The following GOLM2 variants were observed in gnomAD, a reference collection of about 807,000 sequenced individuals.
GOLM2 encodes the protein protein GOLM2.
GOLM2 carries 26 observed loss-of-function variants against 55.9 expected under a neutral mutation model. The ratio of observed to expected loss-of-function variants is 0.47; its 90% CI spans 0.34 to 0.65. GOLM2 has a LOEUF of 0.65. Among genes scored for constraint, GOLM2 ranks in the 30% least tolerant of loss-of-function variants. GOLM2 has a pLI of 0.01. For missense variants in GOLM2, 486 were observed against 531.8 expected (o/e 0.91, Z 0.85); for synonymous variants, 165 against 194.6 (o/e 0.85, Z 1.27).
chr15:44,303,409 C>A (rs776077365), intron 1 of GOLM2, among the ~76,000 whole-genome samples: 2 of 151,934 alleles, frequency 1.3e-5, no homozygotes, highest in East Asian at 3.8e-4. Flanking sequence ...TTATTTGAAA[C>A]GTGTTATAGT....
At chr15:44,290,662 G>A (rs1323295390) in intron 1 of GOLM2, among the ~76,000 whole-genome samples, 1 of 152,210 alleles carries the variant, frequency 6.6e-6, no homozygotes, top group Non-Finnish European at 1.5e-5. Flanking sequence ...GAGTATTAAA[G>A]TAAGGTCTTC....
chr15:44,379,618 G>GTGTTT, intron 6 of GOLM2, 72 bp from the exon 7 acceptor site: 12 of 428,368 alleles, frequency 2.8e-5, no homozygotes, highest in Admixed American at 3.6e-5. Context: ...ATTCACGGTG[G>GTGTTT]TTTTTTTTTT....
At chr15:44,313,464 T>C (rs1168377147) in intron 1 of GOLM2, among the ~76,000 whole-genome samples, 1 of 152,204 alleles carries the variant, frequency 6.6e-6, no homozygotes, top group Non-Finnish European at 1.5e-5. Flanking sequence ...CATTATTAAA[T>C]GTTATAGTTC....
intron 6 of GOLM2, among the ~76,000 whole-genome samples, chr15:44,344,801 G>A (rs146794075): frequency 0.031 from 4,328 of 141,900 alleles, 106 homozygotes; most frequent in East Asian, 0.1. Context: ...TTTTTGAGTC[G>A]GAGTCTCGTT....
rs879875241 is a variant in GOLM2, at chr15:44,288,899, C to G, written c.-131C>G. On this transcript the variant is annotated 5_prime_UTR_variant, in exon 1 of 10. Transcript: ENST00000299957. ...CCCGCCCCCTTCTCCGGCTCGCAGC[C>G]GACCGGTAAGCCCGCCTCCTCCCTC... 43 of 795,870 alleles carry G rather than the reference C, an allele frequency of 5.4e-5. No homozygotes were observed. The Admixed American group carries it at 1.2e-3, about 22-fold the overall frequency. The allele number at this position is 795,870 out of a possible 1,614,324, so 49.3% of individuals were successfully genotyped here. A position where few individuals can be genotyped will look rare whatever the true frequency, so the allele number is the denominator to read the frequency against.
chr15:44,388,796 G>T (rs1285224955), intron 8 of GOLM2, among the ~76,000 whole-genome samples: 1 of 152,048 alleles, frequency 6.6e-6, no homozygotes, highest in African/African-American at 2.4e-5. Flanking sequence ...TTATAGGCAT[G>T]CATCACTGAG....
chr15:44,347,323 A>G (rs1048830065), intron 6 of GOLM2, among the ~76,000 whole-genome samples: 6 of 152,202 alleles, frequency 3.9e-5, no homozygotes, highest in African/African-American at 1.4e-4. Flanking sequence ...GCATGGAAGG[A>G]GTAGGAAAGA....
At chr15:44,405,034 C>T (rs1479144274) in intron 9 of GOLM2, among the ~76,000 whole-genome samples, 2 of 152,044 alleles carry the variant, frequency 1.3e-5, no homozygotes, top group Non-Finnish European at 2.9e-5. Flanking sequence ...TGATAATTGT[C>T]AGAAAATTTT....
intron 6 of GOLM2, among the ~76,000 whole-genome samples, chr15:44,351,973 T>G (rs1385345198): frequency 6.6e-6 from 1 of 152,154 alleles, no homozygotes; most frequent in African/African-American, 2.4e-5. Context: ...ATTGGAAGAA[T>G]CAATATTGTT....
chr15:44,367,799 A>C (rs969004778), intron 6 of GOLM2, among the ~76,000 whole-genome samples: 1 of 152,052 alleles, frequency 6.6e-6, no homozygotes, highest in Non-Finnish European at 1.5e-5. Context: ...CAAAAAAAAA[A>C]AAAAAAGATG....
chr15:44,408,322 A>G (rs917125751), intron 9 of GOLM2, among the ~76,000 whole-genome samples: 1 of 152,234 alleles, frequency 6.6e-6, no homozygotes, highest in Non-Finnish European at 1.5e-5. Flanking sequence ...GGTTGTTGGT[A>G]GAAACTTGAA....
intron 8 of GOLM2, 124 bp from the exon 9 acceptor site, chr15:44,402,763 C>T (rs1595668939): frequency 1.3e-6 from 1 of 756,860 alleles, no homozygotes; most frequent in Non-Finnish European, 2.1e-6. Context: ...AAAATGTATC[C>T]TTTTATATCC....
intron 6 of GOLM2, among the ~76,000 whole-genome samples, chr15:44,350,569 T>C (rs1227373822): frequency 2.0e-5 from 3 of 152,094 alleles, no homozygotes; most frequent in African/African-American, 7.2e-5. Context: ...ACCAATCCTA[T>C]TGAGACTATT....
At chr15:44,370,787 G>A (rs1229994648) in intron 6 of GOLM2, among the ~76,000 whole-genome samples, 1 of 152,096 alleles carries the variant, frequency 6.6e-6, no homozygotes, top group African/African-American at 2.4e-5. Flanking sequence ...TTGCCTCTGA[G>A]TATCTGGGAC....
chr15:44,362,718 A>C (rs1483848095), intron 6 of GOLM2, among the ~76,000 whole-genome samples: 2 of 152,216 alleles, frequency 1.3e-5, no homozygotes, highest in African/African-American at 4.8e-5. Context: ...GAACCAAAAA[A>C]GAGCCCGCAT....
chr15:44,319,377 T>C (rs541533139), intron 1 of GOLM2, among the ~76,000 whole-genome samples: 1 of 152,144 alleles, frequency 6.6e-6, no homozygotes, highest in South Asian at 2.1e-4. Flanking sequence ...CATGCTCGAC[T>C]AATCTGTTTA....
At chr15:44,398,657 CTTTTTTTTTTTTT>C (rs994381104) in intron 8 of GOLM2, among the ~76,000 whole-genome samples, 1 of 108,076 alleles carries the variant, frequency 9.3e-6, no homozygotes, top group African/African-American at 3.7e-5. Context: ...ATATAGGAGC[CTTTTTTTTTTTTT>C]TTTTTTTTTT....
At chr15:44,399,104 T>TGTCA (rs2079548216) in intron 8 of GOLM2, among the ~76,000 whole-genome samples, 1 of 152,212 alleles carries the variant, frequency 6.6e-6, no homozygotes, top group East Asian at 1.9e-4. Flanking sequence ...TTTCTTTCCC[T>TGTCA]GTCATAGTCT....
At chr15:44,336,032 T>C (rs1471704253) in intron 4 of GOLM2, among the ~76,000 whole-genome samples, 3 of 151,952 alleles carry the variant, frequency 2.0e-5, no homozygotes, top group African/African-American at 7.3e-5. Context: ...TCCGGCTGAT[T>C]TTGAACTCCT....
Sources: allele counts gnomAD v4.1 joint callset (sites outside exome capture counted in the v4.1 genomes callset), GRCh38; gene constraint gnomAD v4.1.1; transcripts MANE v1.5; gene names NCBI Gene and HGNC (gene_info 2026-07-23, HGNC 2026-07-21).